PSMF1: variants seen among roughly 807,000 people sequenced by gnomAD.
The protein encoded by PSMF1 is proteasome inhibitor PI31 subunit.
A neutral mutation model predicts 29.3 loss-of-function variants in PSMF1; 30 were observed. The ratio of observed to expected loss-of-function variants is 1.02; its 90% CI spans 0.77 to 1.39. The LOEUF (loss-of-function observed/expected upper bound fraction) is 1.39. Ranked by LOEUF, PSMF1 falls within the 40% of genes most tolerant of loss-of-function variation. The pLI is 0.00. For missense variants in PSMF1, 344 were observed against 357.5 expected, an observed-to-expected ratio of 0.96 and a Z score of 0.31; for synonymous variants, 134 against 139.7, an observed-to-expected ratio of 0.96 and a Z score of 0.29.
intron 4 of PSMF1, chr20:1,161,374 G>A (rs2086665149): frequency 5.8e-6 from 2 of 345,604 alleles, no homozygotes; most frequent in South Asian, 9.9e-5. Flanking sequence ...TTCTTTCTGG[G>A]TGTGGAATTT....
intron 4 of PSMF1, among the ~76,000 whole-genome samples, chr20:1,156,498 T>C (rs543260077): frequency 6.6e-6 from 1 of 152,062 alleles, no homozygotes; most frequent in East Asian, 1.9e-4. Flanking sequence ...AAAAGAAGTC[T>C]CGAAAGCAGT....
At chr20:1,114,498 G>C (rs940541773), upstream of PSMF1, among the ~76,000 whole-genome samples, 1 of 151,948 alleles carries the variant, frequency 6.6e-6, no homozygotes, top group Non-Finnish European at 1.5e-5. Flanking sequence ...ATGCAAAGCA[G>C]TGTTGAACCA....
chr20:1,156,016 G>C (rs926356968), intron 4 of PSMF1, among the ~76,000 whole-genome samples: 1 of 152,212 alleles, frequency 6.6e-6, no homozygotes, highest in Non-Finnish European at 1.5e-5. Flanking sequence ...GCTCCAGCAA[G>C]TGAGGGCAAA....
At chr20:1,151,232 C>G (rs1001934741) in intron 4 of PSMF1, among the ~76,000 whole-genome samples, 18 of 152,124 alleles carry the variant, frequency 1.2e-4, no homozygotes, top group African/African-American at 9.7e-5. Flanking sequence ...AATCCATGTG[C>G]TCTTATTTAA....
chr20:1,133,569 A>ATATATATATATATATATATATATTTTTTT, intron 3 of PSMF1, among the ~76,000 whole-genome samples: 2 of 53,298 alleles, frequency 3.8e-5, no homozygotes, highest in Admixed American at 2.0e-4. Flanking sequence ...ATATATATAT[A>ATATATATATATATATATATATATTTTTTT]TTTTTTTTTT....
chr20:1,147,796 T>G (rs1166812774), intron 4 of PSMF1, among the ~76,000 whole-genome samples: 1 of 152,148 alleles, frequency 6.6e-6, no homozygotes. Flanking sequence ...TCACCACCAC[T>G]TTGCTCAGCA....
intron 3 of PSMF1, among the ~76,000 whole-genome samples, chr20:1,129,049 T>TG (rs2086196661): frequency 6.6e-6 from 1 of 152,044 alleles, no homozygotes; most frequent in Non-Finnish European, 1.5e-5. Flanking sequence ...CAATTTTTTT[T>TG]TTTTGTATTT....
intron 4 of PSMF1, among the ~76,000 whole-genome samples, chr20:1,144,340 T>C (rs6077894): frequency 0.16 from 23,995 of 152,198 alleles, 2,073 homozygotes; most frequent in Non-Finnish European, 0.18. Context: ...TGTCAAATGT[T>C]ACAGCTACTC....
intron 4 of PSMF1, among the ~76,000 whole-genome samples, chr20:1,151,138 T>C (rs1391180056): frequency 2.0e-5 from 3 of 152,240 alleles, no homozygotes; most frequent in African/African-American, 4.8e-5. Context: ...CTTTGGTTTT[T>C]TCCTGTGGAT....
intron 4 of PSMF1, among the ~76,000 whole-genome samples, chr20:1,137,761 A>G (rs2086326007): frequency 6.6e-6 from 1 of 152,202 alleles, no homozygotes; most frequent in Non-Finnish European, 1.5e-5. Flanking sequence ...AGCATTGACC[A>G]GGTATTAGAT....
At chr20:1,142,051 G>A (rs534470909) in intron 4 of PSMF1, among the ~76,000 whole-genome samples, 3 of 151,992 alleles carry the variant, frequency 2.0e-5, no homozygotes, top group South Asian at 2.1e-4. Context: ...GTGAAACCCC[G>A]TCTCTACTAA....
intron 3 of PSMF1, among the ~76,000 whole-genome samples, chr20:1,130,466 A>G (rs763380280): frequency 2.6e-5 from 4 of 152,140 alleles, no homozygotes; most frequent in Non-Finnish European, 5.9e-5. Context: ...TGCTTCAGCC[A>G]CAGTGTCATT....
At position 1,169,019 on chromosome 20, in the gene PSMF1, G is replaced by C. The variant is rs2086763257; in HGVS notation, c.*3939G>C. On this transcript the variant is annotated 3_prime_UTR_variant, in exon 7 of 7. Coordinates refer to ENST00000335877, the MANE Select transcript of PSMF1 (RefSeq NM_006814.5). ...TGGGATACCACAAGGCACAGATACA[G>C]GCAGCTGCTGTGTGGCTCTGGAGTT... Among the ~76,000 whole-genome samples the C allele has an allele frequency of 6.6e-6, 1 of 152,172 alleles. No individual in the cohort carries two copies. The highest frequency in any genetic ancestry group is 1.5e-5 in the Non-Finnish European group (1 of 68,020).
intron 4 of PSMF1, among the ~76,000 whole-genome samples, chr20:1,146,216 G>C (rs2086447634): frequency 6.6e-6 from 1 of 151,762 alleles, no homozygotes; most frequent in Non-Finnish European, 1.5e-5. Flanking sequence ...CCTGAGTTGT[G>C]TCTTCACCGG....
At chr20:1,153,255 C>T (rs2086553598) in intron 4 of PSMF1, among the ~76,000 whole-genome samples, 1 of 152,184 alleles carries the variant, frequency 6.6e-6, no homozygotes, top group Non-Finnish European at 1.5e-5. Flanking sequence ...ACTGCACCCA[C>T]TTATTATCTC....
intron 4 of PSMF1, among the ~76,000 whole-genome samples, chr20:1,147,349 G>A (rs1336260347): frequency 2.0e-5 from 3 of 152,178 alleles, no homozygotes; most frequent in South Asian, 2.1e-4. Context: ...GGGAGGTAAC[G>A]TAGCTTCTCA....
At chr20:1,138,834 C>CA (rs71191994) in intron 4 of PSMF1, among the ~76,000 whole-genome samples, 61,506 of 148,844 alleles carry the variant, frequency 0.41, 13,225 homozygotes, top group Admixed American at 0.49. Context: ...CAAAAACAAA[C>CA]AAAAAAAAAC....
chr20:1,170,749 G>T lies in PSMF1; in HGVS notation c.*5669G>T, dbSNP rs990883560. Reference sequence around the variant, plus strand: ...CTTATTAACAGAGAGTTGGGGCTCGGTGGGTGCTTGCTGCAATTGTTACTA... The same window carrying T: ...CTTATTAACAGAGAGTTGGGGCTCGTTGGGTGCTTGCTGCAATTGTTACTA... On this transcript the variant is annotated 3_prime_UTR_variant, in exon 7 of 7. Transcript: ENST00000335877. Among the ~76,000 whole-genome samples the T allele has an allele frequency of 6.6e-6, 1 of 152,038 alleles. No homozygotes were observed. The highest frequency in any genetic ancestry group is 2.4e-5 in the African/African-American group (1 of 41,372).
chr20:1,127,187 C>T, intron 2 of PSMF1: 2 of 677,314 alleles, frequency 3.0e-6, no homozygotes, highest in East Asian at 2.6e-5. Flanking sequence ...ATGCCTGAGC[C>T]CTTTTGCAAA....
Sources: gnomAD v4.1 joint callset for allele counts (sites outside exome capture counted in the v4.1 genomes callset) on GRCh38, gnomAD v4.1.1 for gene constraint, MANE v1.5 for transcripts, NCBI Gene and HGNC (gene_info 2026-07-23, HGNC 2026-07-21) for gene names.